CCNY: variants seen among roughly 807,000 people sequenced by gnomAD.
CCNY encodes cyclin-Y.
Under a neutral mutation model 42.8 loss-of-function variants are expected in CCNY, and 19 were observed. The observed-to-expected ratio is 0.44, with a 90% CI of 0.31 to 0.65. The LOEUF (loss-of-function observed/expected upper bound fraction) is 0.65. CCNY is among the 30% of genes least tolerant of loss of function. CCNY has a pLI of 0.07. For synonymous variants in CCNY, 165 were observed against 162.7 expected (o/e 1.01, Z -0.11); for missense variants, 370 against 437.3 (o/e 0.85, Z 1.37).
At chr10:35,261,239 A>ATT (rs58071660) in intron 3 of CCNY, among the ~76,000 whole-genome samples, 44 of 132,194 alleles carry the variant, frequency 3.3e-4, no homozygotes, top group East Asian at 4.4e-4. Context: ...AAAAAAAAAA[A>ATT]TTTTTTTTTT....
intron 7 of CCNY, among the ~76,000 whole-genome samples, chr10:35,541,004 A>G (rs554571906): frequency 1.3e-4 from 20 of 151,762 alleles, no homozygotes; most frequent in South Asian, 6.2e-4. Context: ...TAGTATTTCT[A>G]TTTCATTTCT....
intron 3 of CCNY, among the ~76,000 whole-genome samples, chr10:35,273,457 A>AG (rs763389563): frequency 5.9e-5 from 9 of 152,078 alleles, no homozygotes; most frequent in Non-Finnish European, 1.3e-4. Context: ...TGCCTGTCTC[A>AG]GCCTCCCAAA....
chr10:35,549,112 C>T (rs528289813), intron 7 of CCNY, among the ~76,000 whole-genome samples: 5 of 147,090 alleles, frequency 3.4e-5, no homozygotes, highest in Admixed American at 6.7e-5. Flanking sequence ...CACCCCCCCC[C>T]GCCCCTCATC....
intron 1 of CCNY, among the ~76,000 whole-genome samples, chr10:35,477,315 C>G (rs1839537716): frequency 6.6e-6 from 1 of 151,626 alleles, no homozygotes; most frequent in Admixed American, 6.6e-5. Flanking sequence ...GATACCAAAG[C>G]CGGGCAGAGA....
chr10:35,365,801 C>G lies in CCNY; in HGVS notation c.154+28594C>G, dbSNP rs575379965. On this transcript the variant is annotated intron_variant, in intron 1 of 9. Coordinates refer to ENST00000374704, the MANE Select transcript of CCNY (RefSeq NM_145012.6). The stretch of plus-strand genomic sequence containing the variant: ...AAGCTGGGTAAAGGGTATATGGGAA[C>G]TGAACTATTTTCACAGTTCTTCTGT... Among the ~76,000 whole-genome samples the G allele has an allele frequency of 3.3e-5, 5 of 152,320 alleles. No individual in the cohort carries two copies. The South Asian group carries it at 8.3e-4, about 25-fold the overall frequency.
intron 3 of CCNY, among the ~76,000 whole-genome samples, chr10:35,502,812 C>G (rs986481105): frequency 4.6e-5 from 7 of 151,936 alleles, no homozygotes; most frequent in Non-Finnish European, 1.5e-5. Context: ...AACGAATTCT[C>G]TAAATCCTTG....
chr10:35,248,040 G>C (rs1324346170), intron 1 of CCNY: 1 of 152,326 alleles, frequency 6.6e-6, no homozygotes, highest in East Asian at 1.9e-4. Flanking sequence ...CAGCAAGGCT[G>C]TTATTTCACC....
At chr10:35,489,806 C>T (rs1184132122) in intron 2 of CCNY, among the ~76,000 whole-genome samples, 2 of 152,306 alleles carry the variant, frequency 1.3e-5, no homozygotes, top group East Asian at 3.9e-4. Context: ...AAAAGAATTA[C>T]TCAGTTAGAG....
At chr10:35,543,192 A>G (rs1405047691) in intron 7 of CCNY, among the ~76,000 whole-genome samples, 2 of 152,214 alleles carry the variant, frequency 1.3e-5, no homozygotes, top group African/African-American at 4.8e-5. Flanking sequence ...AGTCCCCAAG[A>G]CCACCTCAGG....
At chr10:35,382,457 T>C (rs2504351) in intron 1 of CCNY, among the ~76,000 whole-genome samples, 12,461 of 152,256 alleles carry the variant, frequency 0.082, 942 homozygotes, top group African/African-American at 0.2. Context: ...CCTGGCTTCT[T>C]GACTCTCATC....
At chr10:35,373,211 A>G (rs893578993) in intron 1 of CCNY, among the ~76,000 whole-genome samples, 6 of 152,122 alleles carry the variant, frequency 3.9e-5, no homozygotes, top group African/African-American at 1.2e-4. Flanking sequence ...CTGTCTCTCT[A>G]TTCATTTAAT....
At chr10:35,476,286 A>C in intron 1 of CCNY, among the ~76,000 whole-genome samples, 1 of 152,150 alleles carries the variant, frequency 6.6e-6, no homozygotes, top group South Asian at 2.1e-4. Context: ...AAGCAGACCT[A>C]ATAGACATCT....
At chr10:35,527,989 AT>A (rs1404079071) in intron 5 of CCNY, among the ~76,000 whole-genome samples, 11 of 152,246 alleles carry the variant, frequency 7.2e-5, no homozygotes, top group African/African-American at 2.4e-4. Flanking sequence ...CGAGCTCTTA[AT>A]TCTCATTTAT....
chr10:35,415,426 C>G (rs868342463), intron 1 of CCNY, among the ~76,000 whole-genome samples: 21 of 151,872 alleles, frequency 1.4e-4, no homozygotes, highest in Admixed American at 3.9e-4. Flanking sequence ...GCCTAATCCT[C>G]AGGGCAGAAA....
At chr10:35,542,762 G>A (rs1198355593) in intron 7 of CCNY, among the ~76,000 whole-genome samples, 1 of 152,218 alleles carries the variant, frequency 6.6e-6, no homozygotes, top group East Asian at 1.9e-4. Flanking sequence ...GACCCTGAAA[G>A]ACTTCCTTTA....
intron 1 of CCNY, among the ~76,000 whole-genome samples, chr10:35,452,605 G>A (rs371385017): frequency 2.0e-5 from 3 of 152,080 alleles, no homozygotes; most frequent in South Asian, 4.1e-4. Flanking sequence ...TGACTGCTGA[G>A]GTTCTCACCA....
intron 3 of CCNY, among the ~76,000 whole-genome samples, chr10:35,294,431 T>G (rs551227306): frequency 6.6e-6 from 1 of 152,322 alleles, no homozygotes; most frequent in South Asian, 2.1e-4. Context: ...GAAAGTTCCT[T>G]TCTGTTCCTA....
intron 1 of CCNY, among the ~76,000 whole-genome samples, chr10:35,378,538 G>A (rs1837104629): frequency 6.6e-6 from 1 of 151,880 alleles, no homozygotes; most frequent in African/African-American, 2.4e-5. Flanking sequence ...TTTGGCTAGG[G>A]TGGGGTGTAT....
At chr10:35,418,945 C>T (rs1331279584) in intron 1 of CCNY, among the ~76,000 whole-genome samples, 4 of 151,982 alleles carry the variant, frequency 2.6e-5, no homozygotes, top group Non-Finnish European at 4.4e-5. Context: ...CTCAGCCTCC[C>T]GAGTAGCTGG....
Sources: gnomAD v4.1 joint callset for allele counts (sites outside exome capture counted in the v4.1 genomes callset) on GRCh38, gnomAD v4.1.1 for gene constraint, MANE v1.5 for transcripts, NCBI Gene and HGNC (gene_info 2026-07-23, HGNC 2026-07-21) for gene names.